Variants in HNRNPH1 observed in about 807,000 individuals in gnomAD.
The protein encoded by HNRNPH1 is heterogeneous nuclear ribonucleoprotein H1, also known as heterogeneous nuclear ribonucleoprotein H.
Under a neutral mutation model 58.6 loss-of-function variants are expected in HNRNPH1, and 4 were observed. The observed-to-expected ratio is 0.07, with a 90% CI of 0.03 to 0.16. The LOEUF (loss-of-function observed/expected upper bound fraction) is 0.16, where lower values mean the gene tolerates loss of function less well. Among genes scored for constraint, HNRNPH1 ranks in the 10% least tolerant of loss-of-function variants. The pLI, the probability that HNRNPH1 is intolerant of heterozygous loss-of-function variation, is 1.00. For synonymous variants in HNRNPH1, 192 were observed against 189.2 expected (o/e 1.01, Z -0.12); for missense variants, 271 against 564.2 (o/e 0.48, Z 5.26).
exon 1 of HNRNPH1, chr5:179,624,289 A>G: frequency 2.6e-6 from 1 of 387,588 alleles, no homozygotes; most frequent in Non-Finnish European, 4.6e-6. Context: ...GGCACGTCCC[A>G]GCCCTGTGTG....
upstream of HNRNPH1, chr5:179,629,485 A>C (rs1774670010): frequency 8.3e-6 from 1 of 120,864 alleles, no homozygotes; most frequent in Non-Finnish European, 1.8e-5. Flanking sequence ...TAGTAGAGAT[A>C]GGTTGGCCAG....
At position 179,620,875 on chromosome 5, in the gene HNRNPH1, C is replaced by G. The variant is rs768578841; in HGVS notation, c.397+17G>C. 1 of 1,612,312 alleles carries G rather than the reference C, an allele frequency of 6.2e-7. No individual in the cohort carries two copies. ...CTAGCCAAAACTCACTGCTCAGCAA[C>G]AAACATGACTACATACCTGAGAAGA... On this transcript the variant is annotated intron_variant, in intron 3 of 12. Transcript: ENST00000356731.
At chr5:179,625,008 A>G (rs1014422463), upstream of HNRNPH1, among the ~76,000 whole-genome samples, 2 of 152,182 alleles carry the variant, frequency 1.3e-5, no homozygotes, top group Non-Finnish European at 2.9e-5. Flanking sequence ...GTTATCTCCG[A>G]GAGAAGGCTT....
intron 3 of HNRNPH1, 173 bp from the exon 5 acceptor site, chr5:179,619,580 A>G: frequency 1.8e-6 from 1 of 554,270 alleles, no homozygotes; most frequent in Non-Finnish European, 3.2e-6. Context: ...TTCCATTATT[A>G]TAAAGTATAA....
exon 13 of HNRNPH1, chr5:179,614,266 T>A (rs1768358924): frequency 1.3e-5 from 2 of 152,086 alleles, no homozygotes; most frequent in Admixed American, 6.6e-5. Flanking sequence ...AAGATTTAAA[T>A]CAAGGCCTCA....
rs1003987118 is a variant in HNRNPH1, at chr5:179,623,683, C to T, written c.-550G>A. Reference sequence around the variant, plus strand: ...GCTAAGACGAAATGGCCAGCGGGCGCCTGCGCAACCTAAATAAGGTCCCTT... The same window carrying T: ...GCTAAGACGAAATGGCCAGCGGGCGTCTGCGCAACCTAAATAAGGTCCCTT... On this transcript the variant is annotated 5_prime_UTR_variant, in exon 1 of 13. Transcript: ENST00000356731. 6.5e-6 allele frequency: 1 copy of T among 152,910 alleles called. No homozygotes were observed. Among genetic ancestry groups the T allele is most frequent in the Non-Finnish European group, 1.5e-5 (1 of 68,154 alleles). 9.5% of individuals were successfully genotyped at this position (152,910 alleles called of 1,614,324 possible).
chr5:179,618,419 A>G, intron 4 of HNRNPH1, 96 bp from the exon 6 acceptor site: 1 of 828,022 alleles, frequency 1.2e-6, no homozygotes, highest in South Asian at 1.9e-5. Flanking sequence ...CAATCTAGTC[A>G]TAGCCATGAA....
chr5:179,630,998 C>T lies in HNRNPH1; in HGVS notation c.-32+3067G>A, dbSNP rs543246116. On this transcript the variant is annotated intron_variant, in intron 2 of 4. Coordinates refer to the HNRNPH1 transcript ENST00000521116. ...TTTCATTAAAGCATACATTCCATTC[C>T]TACTTTTGCACTGATTTAATTACAA... is the stretch of plus-strand genomic sequence containing the variant. 4.6e-5 allele frequency among the ~76,000 whole-genome samples: 7 copies of T among 151,856 alleles called. No individual in the cohort carries two copies. The South Asian group carries it at 1.5e-3, about 32-fold the overall frequency.
exon 1 of HNRNPH1, chr5:179,623,234 G>A (rs1157734139): frequency 4.1e-6 from 3 of 727,258 alleles, no homozygotes; most frequent in Admixed American, 2.4e-5. Context: ...GCGCGCCCGG[G>A]CCCGCACCGC....
At chr5:179,616,611 T>C (rs1769839993) in intron 10 of HNRNPH1, 4 of 534,704 alleles carry the variant, frequency 7.5e-6, no homozygotes, top group African/African-American at 1.9e-5. Flanking sequence ...ATTTAAACTT[T>C]ATACTTAGAA....
At chr5:179,629,070 GGC>G (rs1774613177), upstream of HNRNPH1, 1 of 148,038 alleles carries the variant, frequency 6.8e-6, no homozygotes, top group South Asian at 2.2e-4. Flanking sequence ...GGCCGAGGTG[GGC>G]AGATCACAAG....
chr5:179,628,485 C>A (rs1774560094), upstream of HNRNPH1, among the ~76,000 whole-genome samples: 1 of 152,154 alleles, frequency 6.6e-6, no homozygotes, highest in South Asian at 2.1e-4. Flanking sequence ...TCCAGAGTAG[C>A]TGGGTTTACA....
chr5:179,614,662 G>A (rs920547242), exon 13 of HNRNPH1: 3 of 505,486 alleles, frequency 5.9e-6, no homozygotes, highest in Non-Finnish European at 1.1e-5. Flanking sequence ...TTACATCCTA[G>A]ATGAGTATTG....
exon 10 of HNRNPH1, chr5:179,616,938 A>C: frequency 6.2e-7 from 1 of 1,612,718 alleles, no homozygotes; most frequent in Non-Finnish European, 8.5e-7. Context: ...GAATTCAAGA[A>C]GAGTTCTACA....
intron 3 of HNRNPH1, 84 bp from the exon 5 acceptor site, chr5:179,619,491 TA>T: frequency 7.7e-7 from 1 of 1,291,802 alleles, no homozygotes. Context: ...TAGCTTTAAA[TA>T]AACCAGAATT....
chr5:179,618,460 T>C (rs1770815043), intron 4 of HNRNPH1, 137 bp from the exon 6 acceptor site: 1 of 566,068 alleles, frequency 1.8e-6, no homozygotes. Context: ...AGATTTCTTA[T>C]ATTTGCATAG....
At chr5:179,623,766 AG>A (rs1299212053) in exon 1 of HNRNPH1, 1 of 152,248 alleles carries the variant, frequency 6.6e-6, no homozygotes, top group Non-Finnish European at 1.5e-5. Flanking sequence ...CGTCACAAAG[AG>A]CTCTGGCGCA....
intron 2 of HNRNPH1, among the ~76,000 whole-genome samples, chr5:179,632,733 T>A: frequency 6.9e-6 from 1 of 144,464 alleles, no homozygotes. Flanking sequence ...TCACTCACTG[T>A]CTAAAGCCAA....
intron 4 of HNRNPH1, 198 bp downstream of exon 5, chr5:179,619,071 C>A (rs535008715): frequency 6.5e-6 from 3 of 459,208 alleles, no homozygotes; most frequent in Non-Finnish European, 1.2e-5. Context: ...GTCAAGCAGA[C>A]CAATTAACTA....
Sources: allele counts gnomAD v4.1 joint callset (sites outside exome capture counted in the v4.1 genomes callset), GRCh38; gene constraint gnomAD v4.1.1; transcripts MANE v1.5; gene names NCBI Gene and HGNC (gene_info 2026-07-23, HGNC 2026-07-21).